Variants in TDRD3 observed in about 807,000 individuals in gnomAD.
TDRD3 encodes the protein tudor domain containing 3.
Under a neutral mutation model 86.7 loss-of-function variants are expected in TDRD3, and 45 were observed. That is an observed-to-expected ratio of 0.52 (90% CI 0.41 to 0.67). The LOEUF is 0.67. Among genes scored for constraint, TDRD3 ranks in the 30% least tolerant of loss-of-function variants. The pLI is 0.00. For missense variants in TDRD3, 814 were observed against 889.0 expected, an observed-to-expected ratio of 0.92 and a Z score of 1.07; for synonymous variants, 298 against 301.7, an observed-to-expected ratio of 0.99 and a Z score of 0.13.
At chr13:60,510,508 A>C (rs1459900183) in intron 9 of TDRD3, 122 bp from the exon 10 acceptor site, 46 of 1,062,294 alleles carry the variant, frequency 4.3e-5, no homozygotes, top group Non-Finnish European at 5.6e-5. Context: ...GATGTAGACT[A>C]TACAAAAAAT....
intron 13 of TDRD3, among the ~76,000 whole-genome samples, chr13:60,572,012 G>T (rs1209634315): frequency 2.0e-5 from 3 of 152,180 alleles, no homozygotes; most frequent in African/African-American, 7.2e-5. Flanking sequence ...AATATGAGCA[G>T]ATATAAAATA....
chr13:60,487,252 G>T (rs61968670), intron 7 of TDRD3, among the ~76,000 whole-genome samples: 23,999 of 152,060 alleles, frequency 0.16, 2,281 homozygotes, highest in South Asian at 0.28. Context: ...CCCCAGCACT[G>T]TGGGAGGCTG....
chr13:60,467,149 CT>C, intron 4 of TDRD3, 88 bp from the exon 5 acceptor site: 1 of 1,488,334 alleles, frequency 6.7e-7, no homozygotes, highest in Non-Finnish European at 9.1e-7. Context: ...ACCCCACTGC[CT>C]GACAGGCCCC....
chr13:60,442,186 C>T (rs1008560645), intron 2 of TDRD3, among the ~76,000 whole-genome samples: 2 of 152,134 alleles, frequency 1.3e-5, no homozygotes, highest in Non-Finnish European at 2.9e-5. Flanking sequence ...GTAAGTTTTA[C>T]GTTCAAATAC....
intron 1 of TDRD3, among the ~76,000 whole-genome samples, chr13:60,418,587 T>G (rs1424843957): frequency 6.6e-6 from 1 of 152,198 alleles, no homozygotes; most frequent in Non-Finnish European, 1.5e-5. Context: ...ACTTGTCTTT[T>G]TAAATTGCAG....
chr13:60,398,265 A>G (rs1488039007), intron 1 of TDRD3, among the ~76,000 whole-genome samples: 2 of 152,206 alleles, frequency 1.3e-5, no homozygotes, highest in Non-Finnish European at 2.9e-5. Flanking sequence ...GCTCTCTGCA[A>G]TTACTGCTTT....
chr13:60,429,169 T>C (rs763079493), intron 1 of TDRD3, among the ~76,000 whole-genome samples: 17 of 152,310 alleles, frequency 1.1e-4, no homozygotes, highest in Non-Finnish European at 2.1e-4. Flanking sequence ...TTTACCTGTT[T>C]AGTGACACAT....
At chr13:60,418,602 A>C (rs1051507811) in intron 1 of TDRD3, among the ~76,000 whole-genome samples, 1 of 152,212 alleles carries the variant, frequency 6.6e-6, no homozygotes, top group Non-Finnish European at 1.5e-5. Context: ...TTGCAGCACA[A>C]TTAATGTACA....
rs9528136 is a variant in TDRD3, at chr13:60,439,481, G to T, written c.42-207G>T. On this transcript the variant is annotated intron_variant, in intron 1 of 13. Transcript: ENST00000377881. ...TATGAATAATCCTATTGACACAATA[G>T]CTCTTTAAGGGTACAAAAGAAAAGT... Among the ~76,000 whole-genome samples, 47,291 of 151,868 alleles carry T rather than the reference G, an allele frequency of 0.31. 7,580 individuals carry two copies. The highest frequency in any genetic ancestry group is 0.36 in the South Asian group (1,717 of 4,818).
At position 60,494,803 on chromosome 13, in the gene TDRD3, T is replaced by C. The variant is rs189650555; in HGVS notation, c.858+228T>C. ...TTAAATTACTAATGTCCTAATAATA[T>C]ATTTTGGAATGGATTGATAAAAAGC... is the stretch of plus-strand genomic sequence containing the variant. On this transcript the variant is annotated intron_variant, in intron 8 of 13. Transcript: ENST00000377881. Among the ~76,000 whole-genome samples the C allele has an allele frequency of 9.8e-4, 150 of 152,330 alleles. 2 individuals carry two copies. The Middle Eastern group carries it at 0.014, about 14-fold the overall frequency.
intron 4 of TDRD3, 102 bp downstream of exon 4, chr13:60,460,642 G>A: frequency 9.9e-7 from 1 of 1,015,160 alleles, no homozygotes; most frequent in Non-Finnish European, 1.4e-6. Flanking sequence ...ACCCTTAATT[G>A]TGTGTTACAG....
chr13:60,445,001 G>A (rs1232110961), intron 3 of TDRD3, among the ~76,000 whole-genome samples: 1 of 150,974 alleles, frequency 6.6e-6, no homozygotes, highest in Admixed American at 6.6e-5. Context: ...TTACATGAAC[G>A]GTGAGACTTA....
In TDRD3 at chr13:60,433,876, G is replaced by A. The variant is rs117124504; in HGVS notation, c.42-5812G>A. Among the ~76,000 whole-genome samples, 784 of 152,250 alleles carry A rather than the reference G, an allele frequency of 5.1e-3. 3 individuals carry two copies. The highest frequency in any genetic ancestry group is 7.2e-3 in the Non-Finnish European group (487 of 68,012). ...TAAGTTAGATTCACCGATTTTACCT[G>A]CTTTCAAAGAAATGGATCAAAAGAA... On this transcript the variant is annotated intron_variant, in intron 1 of 13. Transcript: ENST00000377881.
At chr13:60,551,793 A>T (rs1958060585) in intron 12 of TDRD3, among the ~76,000 whole-genome samples, 1 of 152,210 alleles carries the variant, frequency 6.6e-6, no homozygotes, top group Non-Finnish European at 1.5e-5. Context: ...ATATGGTAAA[A>T]GGTGAAGGAG....
intron 1 of TDRD3, among the ~76,000 whole-genome samples, chr13:60,404,692 C>T (rs554420148): frequency 6.6e-4 from 101 of 152,162 alleles, no homozygotes; most frequent in Non-Finnish European, 1.2e-3. Context: ...GTAACCTCCA[C>T]CTCCCAGGTT....
chr13:60,396,278 G>C (rs959254711), upstream of TDRD3, among the ~76,000 whole-genome samples: 2 of 152,176 alleles, frequency 1.3e-5, no homozygotes, highest in African/African-American at 2.4e-5. Flanking sequence ...CCCGCAATAC[G>C]GGACGCCGCA....
intron 10 of TDRD3, among the ~76,000 whole-genome samples, chr13:60,526,254 C>G (rs547642914): frequency 6.6e-6 from 1 of 152,176 alleles, no homozygotes; most frequent in African/African-American, 2.4e-5. Context: ...TAGTTTACCT[C>G]TCTCTGTTAA....
chr13:60,465,352 A>C (rs985043140), intron 4 of TDRD3, among the ~76,000 whole-genome samples: 1 of 152,156 alleles, frequency 6.6e-6, no homozygotes, highest in Admixed American at 6.6e-5. Flanking sequence ...GGAATTGGGA[A>C]CGCTTCTTCA....
intron 5 of TDRD3, among the ~76,000 whole-genome samples, chr13:60,470,515 C>A (rs1035805781): frequency 6.6e-6 from 1 of 151,730 alleles, no homozygotes; most frequent in Admixed American, 6.6e-5. Flanking sequence ...TACATCCTCA[C>A]CAACGGTTGG....
Sources: allele counts gnomAD v4.1 joint callset (sites outside exome capture counted in the v4.1 genomes callset), GRCh38; gene constraint gnomAD v4.1.1; transcripts MANE v1.5; gene names NCBI Gene and HGNC (gene_info 2026-07-23, HGNC 2026-07-21).